TFEC: variants seen among roughly 807,000 people sequenced by gnomAD.
The protein encoded by TFEC is class E basic helix-loop-helix protein 34.
In TFEC, 31 loss-of-function variants were observed where a neutral mutation model predicts 41.6. That is an observed-to-expected ratio of 0.74 (90% CI 0.56 to 1.01). TFEC has a LOEUF of 1.01. Among genes scored for constraint, TFEC ranks in the 50% least tolerant of loss-of-function variants. The pLI is 0.00. For missense variants in TFEC, 402 were observed against 404.1 expected, an observed-to-expected ratio of 0.99 and a Z score of 0.04; for synonymous variants, 143 against 140.6, an observed-to-expected ratio of 1.02 and a Z score of -0.12.
In TFEC at chr7:115,940,753, G is replaced by C. The variant is rs1189330827; in HGVS notation, c.842C>G (p.Ala281Gly). ...PSPELCDQAI[A>G]FSDPLSYFTD... ...GAAGTATGACAAAGGATCAGAAAAG[G>C]CTATAGCTTGATCACAGAGCTCAGG... Residue 281 changes from alanine (A) to glycine (G), a missense_variant, in exon 8 of 8, where the codon GCC (alanine) becomes GGC (glycine). Transcript: ENST00000265440. The C allele has an allele frequency of 1.8e-5, 29 of 1,613,316 alleles. No individual in the cohort carries two copies. Among genetic ancestry groups the C allele is most frequent in the Non-Finnish European group, 2.4e-5 (28 of 1,179,620 alleles).
At chr7:116,092,549 A>C (rs1797352857) in intron 3 of TFEC, among the ~76,000 whole-genome samples, 1 of 152,168 alleles carries the variant, frequency 6.6e-6, no homozygotes, top group South Asian at 2.1e-4. Context: ...ACATTTTAAC[A>C]CTCAATGTTT....
At chr7:116,111,999 T>G (rs1797865966) in exon 2 of TFEC, 8 of 986,836 alleles carry the variant, frequency 8.1e-6, no homozygotes, top group Middle Eastern at 5.7e-4. Flanking sequence ...TACCTTTTAC[T>G]TTCTGATTTT....
intron 3 of TFEC, among the ~76,000 whole-genome samples, chr7:116,053,439 G>T (rs7793886): frequency 0.099 from 15,126 of 152,196 alleles, 825 homozygotes; most frequent in African/African-American, 0.13. Flanking sequence ...GATGACAAAA[G>T]CTAGCCTTAT....
At chr7:115,986,825 G>C (rs1042284995) in intron 1 of TFEC, among the ~76,000 whole-genome samples, 9 of 151,258 alleles carry the variant, frequency 6.0e-5, no homozygotes, top group African/African-American at 2.2e-4. Flanking sequence ...GAGTTAATGG[G>C]TGCAGCACAC....
chr7:116,100,272 C>T (rs1233501624), intron 3 of TFEC, among the ~76,000 whole-genome samples: 1 of 152,104 alleles, frequency 6.6e-6, no homozygotes, highest in East Asian at 1.9e-4. Flanking sequence ...GATCCAATTG[C>T]CAAACATGGA....
intron 3 of TFEC, among the ~76,000 whole-genome samples, chr7:116,086,811 C>T (rs1174670233): frequency 7.2e-5 from 11 of 151,986 alleles, no homozygotes; most frequent in Admixed American, 6.6e-4. Context: ...ACAGCTTATA[C>T]TTAAATAGAA....
chr7:115,969,894 G>A (rs934778885), intron 3 of TFEC, among the ~76,000 whole-genome samples: 1 of 151,902 alleles, frequency 6.6e-6, no homozygotes, highest in South Asian at 2.1e-4. Flanking sequence ...GAGTAAGAGA[G>A]AGAAAAGCAA....
intron 1 of TFEC, among the ~76,000 whole-genome samples, chr7:115,997,251 T>C (rs918406935): frequency 1.1e-4 from 16 of 152,088 alleles, no homozygotes; most frequent in Non-Finnish European, 2.9e-5. Context: ...AAAGACTCCA[T>C]TTGATTGAGA....
chr7:115,975,478 C>T (rs548399014), intron 2 of TFEC, among the ~76,000 whole-genome samples: 13 of 152,070 alleles, frequency 8.5e-5, no homozygotes, highest in Admixed American at 4.6e-4. Context: ...ATTGAGTGTT[C>T]GGAGAATTCT....
At chr7:116,089,389 A>C (rs575990061) in intron 3 of TFEC, among the ~76,000 whole-genome samples, 29 of 152,264 alleles carry the variant, frequency 1.9e-4, no homozygotes, top group Non-Finnish European at 3.4e-4. Context: ...TCAGGAGTGT[A>C]ATGTGTCACA....
intron 1 of TFEC, among the ~76,000 whole-genome samples, chr7:116,132,175 T>C (rs1023123649): frequency 5.3e-5 from 8 of 152,174 alleles, no homozygotes; most frequent in Admixed American, 3.3e-4. Context: ...TTTAAGGAAT[T>C]AGTGCATAAA....
chr7:116,076,802 AT>A (rs1796970300), intron 3 of TFEC, among the ~76,000 whole-genome samples: 1 of 152,144 alleles, frequency 6.6e-6, no homozygotes, highest in African/African-American at 2.4e-5. Flanking sequence ...CCTAAGAATA[AT>A]TGGTGTTCCT....
chr7:115,988,312 T>A (rs1255433995), intron 1 of TFEC, among the ~76,000 whole-genome samples: 1 of 151,848 alleles, frequency 6.6e-6, no homozygotes, highest in Non-Finnish European at 1.5e-5. Flanking sequence ...AATATGCTAA[T>A]AGATAAAGTA....
chr7:115,983,884 C>G (rs1467336605), intron 2 of TFEC, among the ~76,000 whole-genome samples: 1 of 151,948 alleles, frequency 6.6e-6, no homozygotes, highest in Admixed American at 6.6e-5. Flanking sequence ...AAATTTACTG[C>G]TATTTAAGTA....
chr7:115,955,459 C>CACTTGCCA (rs772791074), intron 4 of TFEC, among the ~76,000 whole-genome samples: 1 of 152,016 alleles, frequency 6.6e-6, no homozygotes, highest in Non-Finnish European at 1.5e-5. Context: ...GGACAAAGAC[C>CACTTGCCA]ACTTGCCAAC....
At chr7:116,059,131 TAAAG>T (rs1223946279) in intron 3 of TFEC, among the ~76,000 whole-genome samples, 4 of 151,820 alleles carry the variant, frequency 2.6e-5, no homozygotes, top group Non-Finnish European at 3.0e-5. Context: ...AGCAAGATCA[TAAAG>T]AGAGGGAAAT....
chr7:116,058,240 C>T (rs1044235044), intron 3 of TFEC, among the ~76,000 whole-genome samples: 5 of 151,522 alleles, frequency 3.3e-5, no homozygotes, highest in African/African-American at 9.7e-5. Flanking sequence ...TGGCTATATT[C>T]GTACCAATTA....
chr7:116,032,065 T>G (rs1795797330), upstream of TFEC, among the ~76,000 whole-genome samples: 1 of 152,200 alleles, frequency 6.6e-6, no homozygotes, highest in Non-Finnish European at 1.5e-5. Flanking sequence ...TGTATTTGTA[T>G]GAAATACATT....
chr7:116,027,461 T>C (rs1242037167), intron 1 of TFEC, among the ~76,000 whole-genome samples: 2 of 152,040 alleles, frequency 1.3e-5, no homozygotes, highest in African/African-American at 2.4e-5. Context: ...CTGGATATTA[T>C]GGTGCATGCC....
Sources: gnomAD v4.1 joint callset for allele counts (sites outside exome capture counted in the v4.1 genomes callset) on GRCh38, gnomAD v4.1.1 for gene constraint, MANE v1.5 for transcripts, NCBI Gene and HGNC (gene_info 2026-07-23, HGNC 2026-07-21) for gene names.